LIMA1: variants seen among roughly 807,000 people sequenced by gnomAD.
LIMA1 encodes LIM domain and actin-binding protein 1.
A neutral mutation model predicts 62.6 loss-of-function variants in LIMA1; 52 were observed. That is an observed-to-expected ratio of 0.83 (90% CI 0.67 to 1.05). The LOEUF (loss-of-function observed/expected upper bound fraction) is 1.05. LIMA1 is among the 50% of genes least tolerant of loss of function. The probability of loss-of-function intolerance (pLI) is 0.00; values close to 1 mark genes in which losing one functional copy is unlikely to be tolerated. For synonymous variants in LIMA1, 302 were observed against 317.8 expected (o/e 0.95, Z 0.53); for missense variants, 780 against 902.2 (o/e 0.86, Z 1.74).
chr12:50,225,944 G>T (rs551549365), intron 3 of LIMA1, among the ~76,000 whole-genome samples: 3 of 152,274 alleles, frequency 2.0e-5, no homozygotes. Context: ...CAACTGTTTA[G>T]ATTACAATTT....
rs545195153 is a variant in LIMA1, at chr12:50,250,498, G to C, written c.-23-1724C>G. Among the ~76,000 whole-genome samples, 27 of 146,646 alleles carry C rather than the reference G, an allele frequency of 1.8e-4. 1 individual carries two copies. In the South Asian group the frequency reaches 5.7e-3, roughly 31 times the overall value. On this transcript the variant is annotated intron_variant, in intron 1 of 10. Coordinates refer to ENST00000341247, the MANE Select transcript of LIMA1 (RefSeq NM_016357.5). ...TCCTAGCTACTAGGCCCAGGAGTTG[G>C]AGGCTACAATGAGCTATGAATTGCG...
chr12:50,177,671 G>A lies in LIMA1; in HGVS notation c.1673C>T (p.Pro558Leu). 6.2e-7 allele frequency: 1 copy of A among 1,609,060 alleles called. No homozygotes were observed. Among genetic ancestry groups the A allele is most frequent in the Non-Finnish European group, 8.5e-7 (1 of 1,177,808 alleles). The change falls in exon 11 of 11, where the codon CCT becomes CTT. Residue 558 changes from proline to leucine, a missense_variant. Pro to Leu is a moderately conservative substitution (Grantham distance 98). Transcript: ENST00000341247. ...TTCGGGCTTGCTGATTTCGTCTTCA[G>A]GAGGCCATTTGGGCTTTGACATTTT... Reference protein sequence around the residue: ...GIKMSKPKWPPEDEISKPEVP... With the variant: ...GIKMSKPKWPLEDEISKPEVP...
intron 1 of LIMA1, among the ~76,000 whole-genome samples, chr12:50,259,125 C>T (rs1458880956): frequency 6.6e-6 from 1 of 152,058 alleles, no homozygotes; most frequent in Non-Finnish European, 1.5e-5. Flanking sequence ...AAAATTATGC[C>T]ATAACCAGCT....
intron 7 of LIMA1, among the ~76,000 whole-genome samples, chr12:50,200,034 C>T (rs1941011299): frequency 6.6e-6 from 1 of 151,912 alleles, no homozygotes; most frequent in Admixed American, 6.6e-5. Context: ...TCTGGGATTA[C>T]AGGCATGCAC....
At chr12:50,275,261 G>A (rs1489698075) in intron 1 of LIMA1, among the ~76,000 whole-genome samples, 2 of 152,046 alleles carry the variant, frequency 1.3e-5, no homozygotes, top group Admixed American at 1.3e-4. Flanking sequence ...CAGCTACTCC[G>A]GAGGTCTGAG....
At chr12:50,261,040 A>ATTTTTT (rs1394809506) in intron 1 of LIMA1, among the ~76,000 whole-genome samples, 2 of 48,914 alleles carry the variant, frequency 4.1e-5, no homozygotes, top group African/African-American at 1.0e-4. Flanking sequence ...GCCATCTAGT[A>ATTTTTT]TATTTTTTTT....
At chr12:50,242,453 T>C (rs1941792135) in intron 2 of LIMA1, among the ~76,000 whole-genome samples, 1 of 151,980 alleles carries the variant, frequency 6.6e-6, no homozygotes, top group Non-Finnish European at 1.5e-5. Context: ...GCTTCTGGAC[T>C]CAAGTGATCC....
intron 9 of LIMA1, chr12:50,188,468 A>G (rs1416479482): frequency 6.6e-6 from 1 of 152,204 alleles, no homozygotes; most frequent in African/African-American, 2.4e-5. Flanking sequence ...CAGGCTCTGT[A>G]CACCATGATC....
At chr12:50,233,121 A>G (rs144442275) in intron 2 of LIMA1, among the ~76,000 whole-genome samples, 3 of 152,346 alleles carry the variant, frequency 2.0e-5, no homozygotes, top group East Asian at 1.9e-4. Flanking sequence ...TGATATAACA[A>G]CAAGATCCCC....
intron 4 of LIMA1, among the ~76,000 whole-genome samples, chr12:50,221,305 GCT>G (rs1241949993): frequency 6.6e-6 from 1 of 151,986 alleles, no homozygotes; most frequent in Admixed American, 6.6e-5. Flanking sequence ...AAATTTACCA[GCT>G]CTGTGGCCTC....
intron 3 of LIMA1, among the ~76,000 whole-genome samples, chr12:50,224,964 G>A (rs1941504532): frequency 6.7e-6 from 1 of 148,888 alleles, no homozygotes; most frequent in Admixed American, 6.8e-5. Context: ...GTGCAATGGC[G>A]TGATCTCGGC....
rs756716638 is a variant in LIMA1 at position 50,177,574 on chromosome 12, T to C, written c.1770A>G (p.Pro590=). The C allele has an allele frequency of 3.1e-6, 5 of 1,611,776 alleles. No individual in the cohort carries two copies. In the Admixed American group the frequency reaches 8.4e-5, roughly 27 times the overall value. The change falls in exon 11 of 11, where the codon CCA becomes CCG. Residue 590 remains proline, a synonymous_variant. Coordinates refer to ENST00000341247, the MANE Select transcript of LIMA1 (RefSeq NM_016357.5). ...TTTGAAATGAAGCTGCTACAGTGAA[T>C]GGGCGGCTTCTTTCCTTCAGTGAAG... ...RSSSLKERSR[P]FTVAASFQST... is the part of the protein sequence containing the mutation.
chr12:50,279,221 G>T (rs1942310128), intron 1 of LIMA1, among the ~76,000 whole-genome samples: 1 of 150,894 alleles, frequency 6.6e-6, no homozygotes, highest in African/African-American at 2.4e-5. Flanking sequence ...GGCCAGGCTG[G>T]TCTCGAACTC....
intron 4 of LIMA1, among the ~76,000 whole-genome samples, chr12:50,210,456 C>G (rs1298142888): frequency 6.8e-6 from 1 of 146,994 alleles, no homozygotes; most frequent in Non-Finnish European, 1.5e-5. Flanking sequence ...AAAGAACAAC[C>G]AAAAGGAAAC....
intron 4 of LIMA1, among the ~76,000 whole-genome samples, chr12:50,211,482 T>TAA (rs35404088): frequency 5.6e-4 from 76 of 136,838 alleles, no homozygotes; most frequent in African/African-American, 1.8e-3. Context: ...GTCTCTGCTT[T>TAA]AAAAAAAAAA....
rs760201311 is a variant in LIMA1, at chr12:50,177,019, C to T, written c.*45G>A. 40 of 1,456,750 alleles carry T rather than the reference C, an allele frequency of 2.7e-5. No homozygotes were observed. The highest frequency in any genetic ancestry group is 1.8e-4 in the Middle Eastern group (1 of 5,532). The allele number at this position is 1,456,750 out of a possible 1,614,324, so 90.2% of individuals were successfully genotyped here. A position where few individuals can be genotyped will look rare whatever the true frequency, so the allele number is the denominator to read the frequency against. On this transcript the variant is annotated 3_prime_UTR_variant, in exon 11 of 11. Transcript: ENST00000341247. The stretch of plus-strand genomic sequence containing the variant: ...CACATTTTGACAAAGGGCAGTGGCT[C>T]GCTAACACTAACATGAATTTAAGGC...
chr12:50,271,033 A>G (rs1942204309), intron 1 of LIMA1, among the ~76,000 whole-genome samples: 1 of 152,200 alleles, frequency 6.6e-6, no homozygotes. Context: ...CGGAGCTTGC[A>G]GTGAGCCGAG....
chr12:50,180,651 G>A (rs1168058975), intron 10 of LIMA1, among the ~76,000 whole-genome samples: 1 of 152,142 alleles, frequency 6.6e-6, no homozygotes, highest in Non-Finnish European at 1.5e-5. Flanking sequence ...TTGACAGGAG[G>A]TAGTTTTTCC....
At chr12:50,179,419 C>T (rs1390032945) in intron 10 of LIMA1, among the ~76,000 whole-genome samples, 2 of 148,318 alleles carry the variant, frequency 1.3e-5, no homozygotes, top group South Asian at 2.1e-4. Context: ...GGATTACAGG[C>T]GTGAGCCACC....
Sources: allele counts gnomAD v4.1 joint callset (sites outside exome capture counted in the v4.1 genomes callset), GRCh38; gene constraint gnomAD v4.1.1; transcripts MANE v1.5; gene names NCBI Gene and HGNC (gene_info 2026-07-23, HGNC 2026-07-21).